SLC6A16: variants seen among roughly 807,000 people sequenced by gnomAD.
SLC6A16 encodes orphan sodium- and chloride-dependent neurotransmitter transporter NTT5.
A neutral mutation model predicts 65.4 loss-of-function variants in SLC6A16; 54 were observed. The ratio of observed to expected loss-of-function variants is 0.83; its 90% CI spans 0.66 to 1.04. The LOEUF (loss-of-function observed/expected upper bound fraction) is 1.04. Among genes scored for constraint, SLC6A16 ranks in the 50% least tolerant of loss-of-function variants. The pLI, the probability that SLC6A16 is intolerant of heterozygous loss-of-function variation, is 0.00. For missense variants in SLC6A16, 816 were observed against 914.0 expected (o/e 0.89, Z 1.38); for synonymous variants, 330 against 346.5 (o/e 0.95, Z 0.53).
At chr19:49,332,657 C>G in the SLC6A16 span, among the ~76,000 whole-genome samples, 1 of 152,176 alleles carries the variant, frequency 6.6e-6, no homozygotes, top group Admixed American at 6.5e-5. Flanking sequence ...CCGCAAAACC[C>G]TTTTTTCCAA....
chr19:49,299,080 C>A (rs1464167775), intron 7 of SLC6A16, among the ~76,000 whole-genome samples: 1 of 152,006 alleles, frequency 6.6e-6, no homozygotes, highest in African/African-American at 2.4e-5. Flanking sequence ...CCCGTCTCTA[C>A]TAAAAATACT....
In SLC6A16 at chr19:49,290,316, G is replaced by C; in HGVS notation, c.2018C>G (p.Pro673Arg). 6.2e-7 allele frequency: 1 copy of C among 1,614,092 alleles called. No individual in the cohort carries two copies. Among genetic ancestry groups the C allele is most frequent in the South Asian group, 1.1e-5 (1 of 91,070 alleles). ...GCAGTATACAAAGTATGCAGGGATG[G>C]GGAGGATGACAATGGCAAAAAGGGT... is the stretch of plus-strand genomic sequence containing the variant. The part of the protein sequence containing the change: ...MITLFAIVIL[P>R]IPAYFVYCRI... Residue 673 changes from proline to arginine, a missense_variant, in exon 12 of 12, where the codon CCC (proline) becomes CGC (arginine). Physicochemically the swap from Pro to Arg is moderately radical, Grantham distance 103. Coordinates refer to ENST00000335875, the MANE Select transcript of SLC6A16 (RefSeq NM_014037.3).
At chr19:49,338,888 C>T in the SLC6A16 span, 1 of 1,614,126 alleles carries the variant, frequency 6.2e-7, no homozygotes, top group South Asian at 1.1e-5. This position sits in a 1 kb window ranked among gnomAD's most constrained non-coding sequence, Gnocchi z 5.0. Flanking sequence ...GGTCCAGACA[C>T]AGTGCAGACA....
rs149251220 is a variant in SLC6A16, at chr19:49,300,333, G to A, written c.1230-5780C>T. Among the ~76,000 whole-genome samples the A allele has an allele frequency of 1.6e-4, 25 of 152,138 alleles. No individual in the cohort carries two copies. The East Asian group carries it at 3.7e-3, about 22-fold the overall frequency. ...AGCCTGGGTGACAAAGTAAGACTCC[G>A]TCTCAAAACAAAACAAAAACATGAT... On this transcript the variant is annotated intron_variant, in intron 7 of 11. Coordinates refer to ENST00000335875, the MANE Select transcript of SLC6A16 (RefSeq NM_014037.3).
At chr19:49,303,332 A>G (rs998114936) in intron 7 of SLC6A16, among the ~76,000 whole-genome samples, 1 of 152,204 alleles carries the variant, frequency 6.6e-6, no homozygotes, top group Non-Finnish European at 1.5e-5. Flanking sequence ...GCTGAAAAAA[A>G]ATCTGACAAC....
chr19:49,307,069 T>TTTTTTTTTTTTTTTTTA (rs1568531819), intron 7 of SLC6A16, among the ~76,000 whole-genome samples: 1 of 146,126 alleles, frequency 6.8e-6, no homozygotes, highest in Non-Finnish European at 1.5e-5. Context: ...TTTTTTTTGT[T>TTTTTTTTTTTTTTTTTA]AGAGGAAGGG....
In SLC6A16 at chr19:49,309,369, C is replaced by G. The variant is rs371386937; in HGVS notation, c.919G>C (p.Gly307Arg). The G allele has an allele frequency of 6.2e-7, 1 of 1,613,978 alleles. No homozygotes were observed. Among genetic ancestry groups the G allele is most frequent in the South Asian group, 1.1e-5 (1 of 91,076 alleles). The change falls in exon 6 of 12, where the codon GGT (glycine) becomes CGT (arginine). Residue 307 changes from glycine to arginine, a missense_variant. Transcript: ENST00000335875. ...AGGAGTAGAGTCCGGATGAAGAAAC[C>G]GACAATGATGAAACAGGGGAGCAGT... ...LVLLPCFIIV[G>R]FFIRTLLLEG...
chr19:49,310,505 A>C lies in SLC6A16; in HGVS notation c.421T>G (p.Phe141Val), dbSNP rs1219057559. The change falls in exon 3 of 12, where the codon TTC becomes GTC. Residue 141 changes from phenylalanine to valine, a missense_variant. Phe to Val is a conservative substitution (Grantham distance 50). Coordinates refer to ENST00000335875, the MANE Select transcript of SLC6A16 (RefSeq NM_014037.3). Reference protein sequence around the residue: ...YLWLNSGGCSFAAIYIFMLFL... With the variant: ...YLWLNSGGCSVAAIYIFMLFL... ...AGCATGAAGATGTAGATGGCAGCGA[A>C]ACTGCCTGTGAAGAAGATTCAGAAG... 1.2e-6 allele frequency: 2 copies of C among 1,614,056 alleles called. No individual in the cohort carries two copies. The highest frequency in any genetic ancestry group is 2.2e-5 in the South Asian group (2 of 91,074).
chr19:49,298,194 A>T (rs1488373354), intron 7 of SLC6A16, among the ~76,000 whole-genome samples: 2 of 152,198 alleles, frequency 1.3e-5, no homozygotes, highest in Admixed American at 1.3e-4. Context: ...GTACCTGTGC[A>T]TTGGCAAATA....
chr19:49,293,879 A>T lies in SLC6A16; in HGVS notation c.1566T>A (p.Thr522=). Reference sequence around the variant, plus strand: ...AGAAAGAGAAGGTGTCCTGGAGTGGAGTAATGATGCCCTGCATAATCCCTA... The same window carrying T: ...AGAAAGAGAAGGTGTCCTGGAGTGGTGTAATGATGCCCTGCATAATCCCTA... The part of the protein sequence containing the change: ...SAIGIMQGII[T]PLQDTFSFFR... The change falls in exon 9 of 12, where the codon ACT becomes ACA. Residue 522 remains threonine, a synonymous_variant. Coordinates refer to ENST00000335875, the MANE Select transcript of SLC6A16 (RefSeq NM_014037.3). The T allele has an allele frequency of 6.2e-7, 1 of 1,614,120 alleles. No individual in the cohort carries two copies. The highest frequency in any genetic ancestry group is 8.5e-7 in the Non-Finnish European group (1 of 1,180,028).
At chr19:49,304,718 G>C (rs561247975) in intron 7 of SLC6A16, among the ~76,000 whole-genome samples, 50 of 152,310 alleles carry the variant, frequency 3.3e-4, no homozygotes, top group Non-Finnish European at 5.7e-4. Context: ...CACCAGGTGA[G>C]AGAAAAGAAT....
upstream of SLC6A16, among the ~76,000 whole-genome samples, chr19:49,327,878 CAA>C (rs1461040950): frequency 6.6e-6 from 1 of 152,092 alleles, no homozygotes; most frequent in South Asian, 2.1e-4. Context: ...CTGGAAATGG[CAA>C]AGAGTCTGAT....
intron 1 of SLC6A16, among the ~76,000 whole-genome samples, chr19:49,315,694 A>G (rs1196289297): frequency 6.6e-6 from 1 of 152,216 alleles, no homozygotes; most frequent in African/African-American, 2.4e-5. Context: ...AAATATTATC[A>G]TCTCAAGAGA....
the SLC6A16 span, chr19:49,339,032 T>C: frequency 9.7e-7 from 1 of 1,027,850 alleles, no homozygotes; most frequent in Admixed American, 1.9e-5. The surrounding 1 kb of genome is among the most constrained non-coding windows in gnomAD (Gnocchi z 4.5). Context: ...AAGGGCGGGG[T>C]CTACGAGAAA....
At chr19:49,335,618 C>T in the SLC6A16 span, 2 of 1,613,054 alleles carry the variant, frequency 1.2e-6, no homozygotes, top group East Asian at 4.5e-5. This position sits in a 1 kb window ranked among gnomAD's most constrained non-coding sequence, Gnocchi z 4.6. Context: ...TCGTGAGTTG[C>T]CTCATGGCTA....
In SLC6A16 at chr19:49,292,988, G is replaced by C. The variant is rs568995167; in HGVS notation, c.1778+235C>G. 6.6e-6 allele frequency among the ~76,000 whole-genome samples: 1 copy of C among 152,250 alleles called. No individual in the cohort carries two copies. Among genetic ancestry groups the C allele is most frequent in the African/African-American group, 2.4e-5 (1 of 41,556 alleles). On this transcript the variant is annotated intron_variant, in intron 10 of 11. Transcript: ENST00000335875. This position sits in a 1 kb window ranked among gnomAD's most constrained non-coding sequence, Gnocchi z 4.3. ...CTAAAATGTAAGCTTTCTGAGAATA[G>C]GAATACTTCTTTTATTCAATGCCCC...
chr19:49,337,119 A>G, the SLC6A16 span: 2 of 1,614,146 alleles, frequency 1.2e-6, no homozygotes, highest in East Asian at 4.5e-5. Context: ...AGGGGTGGTC[A>G]GCCTGATCTC....
chr19:49,290,498 G>T, intron 11 of SLC6A16, 106 bp from the exon 12 acceptor site: 1 of 1,556,054 alleles, frequency 6.4e-7, no homozygotes, highest in Non-Finnish European at 8.8e-7. Context: ...AAACCCATGA[G>T]TCTTCGGGCA....
chr19:49,339,895 G>C, the SLC6A16 span: 2 of 1,346,636 alleles, frequency 1.5e-6, no homozygotes, highest in Non-Finnish European at 1.9e-6. This position sits in a 1 kb window ranked among gnomAD's most constrained non-coding sequence, Gnocchi z 4.5. Flanking sequence ...GCCGCTGTGG[G>C]TTCAAGACGA....
Sources: gnomAD v4.1 joint callset for allele counts (sites outside exome capture counted in the v4.1 genomes callset) on GRCh38, gnomAD v4.1.1 for gene constraint, Gnocchi (gnomAD v3.1) non-coding constraint, MANE v1.5 for transcripts, NCBI Gene and HGNC (gene_info 2026-07-23, HGNC 2026-07-21) for gene names.